Variants in PRKN observed in about 807,000 individuals in gnomAD.
The protein encoded by PRKN is E3 ubiquitin-protein ligase parkin.
PRKN carries 56 observed loss-of-function variants against 59.5 expected under a neutral mutation model. That is an observed-to-expected ratio of 0.94 (90% confidence interval 0.76 to 1.18). The LOEUF is 1.18. PRKN is among the 50% of genes most tolerant of loss of function. The pLI, the probability that PRKN is intolerant of heterozygous loss-of-function variation, is 0.00. For synonymous variants in PRKN, 250 were observed against 222.1 expected, an observed-to-expected ratio of 1.13 and a Z score of -1.12; for missense variants, 657 against 596.4, an observed-to-expected ratio of 1.10 and a Z score of -1.06.
At chr6:162,695,236 T>C (rs1402726467) in intron 1 of PRKN, among the ~76,000 whole-genome samples, 2 of 152,150 alleles carry the variant, frequency 1.3e-5, no homozygotes, top group African/African-American at 4.8e-5. Context: ...AAAAGAAAGT[T>C]TTTAACTCAG....
intron 9 of PRKN, among the ~76,000 whole-genome samples, chr6:161,398,225 G>A (rs541299203): frequency 1.1e-3 from 160 of 152,218 alleles, no homozygotes; most frequent in Non-Finnish European, 1.9e-3. Flanking sequence ...TGGAGTCTAG[G>A]GGGAGAGGAG....
intron 9 of PRKN, among the ~76,000 whole-genome samples, chr6:161,501,003 G>A (rs1777943403): frequency 6.7e-6 from 1 of 150,358 alleles, no homozygotes; most frequent in African/African-American, 2.5e-5. Flanking sequence ...AGACTCCCAA[G>A]TAGCTGGGAC....
chr6:162,290,388 A>ATTATTTGT (rs1201678490), intron 2 of PRKN, among the ~76,000 whole-genome samples: 1 of 152,216 alleles, frequency 6.6e-6, no homozygotes, highest in African/African-American at 2.4e-5. Flanking sequence ...TTTTGTGGAA[A>ATTATTTGT]TACAAATAAA....
chr6:162,723,604 C>T (rs1382034591), intron 1 of PRKN, among the ~76,000 whole-genome samples: 2 of 152,162 alleles, frequency 1.3e-5, no homozygotes, highest in African/African-American at 2.4e-5. Flanking sequence ...TTAGTGGAGG[C>T]TTTAGATAGG....
Position 161,456,008 on chromosome 6 carries a change from A to T in PRKN, c.1084-69131T>A, listed in dbSNP as rs1260379126. Among the ~76,000 whole-genome samples, 1 of 152,162 alleles carries T rather than the reference A, an allele frequency of 6.6e-6. No individual in the cohort carries two copies. The highest frequency in any genetic ancestry group is 1.5e-5 in the Non-Finnish European group (1 of 68,036). On this transcript the variant is annotated intron_variant, in intron 9 of 11. Coordinates refer to ENST00000366898, the MANE Select transcript of PRKN (RefSeq NM_004562.3). The surrounding 1 kb of genome is among the most constrained non-coding windows in gnomAD (Gnocchi z 4.8). ...TTATAGTTTCTTCCAGTTCAAAATCACTATGAAAAAATGTTTTCCTAAGGA... is the reference window on the plus strand; with the variant it reads ...TTATAGTTTCTTCCAGTTCAAAATCTCTATGAAAAAATGTTTTCCTAAGGA...
intron 8 of PRKN, among the ~76,000 whole-genome samples, chr6:161,555,445 C>G (rs749594491): frequency 6.6e-6 from 1 of 152,120 alleles, no homozygotes; most frequent in Non-Finnish European, 1.5e-5. Flanking sequence ...GAAATTAGTT[C>G]TCCTGAAATT....
intron 2 of PRKN, among the ~76,000 whole-genome samples, chr6:162,406,342 T>C (rs1788071476): frequency 6.6e-6 from 1 of 152,194 alleles, no homozygotes; most frequent in South Asian, 2.1e-4. Context: ...AGAACCACTG[T>C]GCATACTGCA....
At chr6:162,351,251 C>T (rs1305903882) in intron 2 of PRKN, among the ~76,000 whole-genome samples, 5 of 151,844 alleles carry the variant, frequency 3.3e-5, no homozygotes, top group African/African-American at 1.2e-4. Context: ...GAAAACAACC[C>T]AATAAAAAAA....
chr6:162,330,705 A>T (rs1408626713), intron 2 of PRKN, among the ~76,000 whole-genome samples: 1 of 152,224 alleles, frequency 6.6e-6, no homozygotes, highest in Non-Finnish European at 1.5e-5. Context: ...ATTGTATTTA[A>T]GTGAAGTTCT....
chr6:162,158,071 G>A (rs564448622), intron 4 of PRKN, among the ~76,000 whole-genome samples: 4 of 152,054 alleles, frequency 2.6e-5, no homozygotes, highest in African/African-American at 2.4e-5. Context: ...GAGTATAATT[G>A]TCAGGGTGCG....
chr6:162,021,198 T>A (rs1473024906), intron 5 of PRKN, among the ~76,000 whole-genome samples: 2 of 134,842 alleles, frequency 1.5e-5, no homozygotes, highest in African/African-American at 2.7e-5. Context: ...ATATATATAA[T>A]ATATATAATA....
rs562204732 is a variant in PRKN at position 161,767,455 on chromosome 6, T to G, written c.871+18317A>C. 4.0e-4 allele frequency among the ~76,000 whole-genome samples: 61 copies of G among 151,384 alleles called. No homozygotes were observed. The Middle Eastern group carries it at 0.014, about 34-fold the overall frequency. On this transcript the variant is annotated intron_variant, in intron 7 of 11. Coordinates refer to ENST00000366898, the MANE Select transcript of PRKN (RefSeq NM_004562.3). ...TGGCGTGAGCCCGGGAGGCGGAGCT[T>G]GCAGTGAGCCAAGATCAGGCCACTG...
At chr6:161,987,287 C>T (rs1286238366) in intron 5 of PRKN, among the ~76,000 whole-genome samples, 1 of 152,152 alleles carries the variant, frequency 6.6e-6, no homozygotes, top group African/African-American at 2.4e-5. Flanking sequence ...TGAGTTTTTT[C>T]TTTTAACATG....
chr6:162,403,773 C>A (rs1371112844), intron 2 of PRKN, among the ~76,000 whole-genome samples: 1 of 152,106 alleles, frequency 6.6e-6, no homozygotes, highest in South Asian at 2.1e-4. Context: ...TGACACAAGT[C>A]GTTGTAATTA....
intron 6 of PRKN, among the ~76,000 whole-genome samples, chr6:161,928,998 C>T (rs1342855961): frequency 6.6e-6 from 1 of 152,110 alleles, no homozygotes; most frequent in Non-Finnish European, 1.5e-5. Flanking sequence ...CAAACGAGGA[C>T]TCAAACCCAC....
chr6:162,710,180 C>T (rs1469597781), intron 1 of PRKN, among the ~76,000 whole-genome samples: 1 of 152,000 alleles, frequency 6.6e-6, no homozygotes, highest in East Asian at 1.9e-4. Context: ...CTGGTTAAGC[C>T]TCACATAGGC....
At chr6:162,086,665 T>A (rs1779259065) in intron 4 of PRKN, among the ~76,000 whole-genome samples, 1 of 152,172 alleles carries the variant, frequency 6.6e-6, no homozygotes, top group Non-Finnish European at 1.5e-5. Flanking sequence ...GAGAAAAATG[T>A]GGTTGAGCAG....
intron 6 of PRKN, among the ~76,000 whole-genome samples, chr6:161,827,951 T>C (rs1792318718): frequency 1.3e-5 from 2 of 152,240 alleles, no homozygotes; most frequent in Non-Finnish European, 2.9e-5. Context: ...GACTTTGCCT[T>C]TTCTAGAGTG....
intron 6 of PRKN, among the ~76,000 whole-genome samples, chr6:161,946,853 C>T (rs555947494): frequency 7.8e-4 from 118 of 152,046 alleles, no homozygotes; most frequent in Non-Finnish European, 1.5e-3. Context: ...ACTCTGCAGC[C>T]GTTGTGATAA....
Sources: gnomAD v4.1 joint callset for allele counts (sites outside exome capture counted in the v4.1 genomes callset) on GRCh38, gnomAD v4.1.1 for gene constraint, Gnocchi (gnomAD v3.1) non-coding constraint, MANE v1.5 for transcripts, NCBI Gene and HGNC (gene_info 2026-07-23, HGNC 2026-07-21) for gene names.